The following BSN variants were observed in gnomAD, a reference collection of about 807,000 sequenced individuals.
The protein encoded by BSN is bassoon presynaptic cytomatrix protein.
BSN carries 57 observed loss-of-function variants against 264.8 expected under a neutral mutation model. The observed-to-expected ratio is 0.22, with a 90% CI of 0.17 to 0.27. The LOEUF (loss-of-function observed/expected upper bound fraction) is 0.27. Among genes scored for constraint, BSN ranks in the 10% least tolerant of loss-of-function variants. The probability of loss-of-function intolerance (pLI) is 1.00; values close to 1 mark genes in which losing one functional copy is unlikely to be tolerated. For synonymous variants in BSN, 2,059 were observed against 2,137.3 expected (o/e 0.96, Z 1.01); for missense variants, 4,615 against 5,232.5 (o/e 0.88, Z 3.64).
chr3:49,589,630 C>T (rs1351693201), intron 1 of BSN, among the ~76,000 whole-genome samples: 2 of 150,472 alleles, frequency 1.3e-5, no homozygotes, highest in Non-Finnish European at 3.0e-5. Context: ...CCTCAGCCTC[C>T]CAAGTAGCTG....
intron 1 of BSN, among the ~76,000 whole-genome samples, chr3:49,559,816 G>C (rs1041008669): frequency 6.6e-6 from 1 of 152,176 alleles, no homozygotes; most frequent in African/African-American, 2.4e-5. Flanking sequence ...TGAGAATTCT[G>C]TCTAGAAGCT....
chr3:49,629,591 A>G (rs1396426672), intron 2 of BSN, among the ~76,000 whole-genome samples: 1 of 152,242 alleles, frequency 6.6e-6, no homozygotes, highest in Non-Finnish European at 1.5e-5. Flanking sequence ...TGCAGATGCC[A>G]GTCTGTCCTC....
intron 1 of BSN, among the ~76,000 whole-genome samples, chr3:49,619,257 T>C (rs902295846): frequency 8.5e-5 from 13 of 152,246 alleles, no homozygotes; most frequent in Admixed American, 4.6e-4. Flanking sequence ...TTGTTGTGCA[T>C]GTGCTTACTG....
intron 1 of BSN, among the ~76,000 whole-genome samples, chr3:49,591,994 T>C (rs2051981229): frequency 1.3e-5 from 2 of 152,208 alleles, no homozygotes; most frequent in Non-Finnish European, 2.9e-5. Flanking sequence ...TGATGAAATA[T>C]CAACACATCT....
Position 49,657,407 on chromosome 3 carries a change from A to T in BSN, c.7851A>T (p.Glu2617Asp). The change falls in exon 5 of 12, where the codon GAA becomes GAT. Residue 2617 changes from glutamate to aspartate, a missense_variant. Coordinates refer to ENST00000296452, the MANE Select transcript of BSN (RefSeq NM_003458.4). ...SADCSVQTDD[E>D]DSAEWEQPVR... ...ACTGCAGTGTGCAGACGGACGACGA[A>T]GACAGTGCTGAGTGGGAGCAGCCAG... is the stretch of plus-strand genomic sequence containing the variant. The T allele has an allele frequency of 6.2e-7, 1 of 1,613,212 alleles. No individual in the cohort carries two copies. Among genetic ancestry groups the T allele is most frequent in the Non-Finnish European group, 8.5e-7 (1 of 1,180,018 alleles).
At chr3:49,582,715 T>C (rs2051904063) in intron 1 of BSN, among the ~76,000 whole-genome samples, 1 of 152,148 alleles carries the variant, frequency 6.6e-6, no homozygotes, top group Non-Finnish European at 1.5e-5. Context: ...CACATCGTTG[T>C]CTTGTTTCTG....
intron 1 of BSN, among the ~76,000 whole-genome samples, chr3:49,614,408 G>A (rs557007088): frequency 6.6e-6 from 1 of 152,276 alleles, no homozygotes; most frequent in Admixed American, 6.5e-5. Flanking sequence ...TGACACGTCA[G>A]CTGACTGGTG....
rs529208642 is a variant in BSN, at chr3:49,579,916, T to C, written c.224+25090T>C. Reference sequence around the variant, plus strand: ...ATGCTATATTAATTGATTTTTTAGATGTTAAGCCATAATTGCATGTCTGAG... The same window carrying C: ...ATGCTATATTAATTGATTTTTTAGACGTTAAGCCATAATTGCATGTCTGAG... On this transcript the variant is annotated intron_variant, in intron 1 of 11. Coordinates refer to ENST00000296452, the MANE Select transcript of BSN (RefSeq NM_003458.4). 5.3e-5 allele frequency among the ~76,000 whole-genome samples: 8 copies of C among 152,030 alleles called. No individual in the cohort carries two copies. The South Asian group carries it at 1.7e-3, about 32-fold the overall frequency.
chr3:49,593,958 A>C (rs1040970934), intron 1 of BSN, among the ~76,000 whole-genome samples: 1 of 150,996 alleles, frequency 6.6e-6, no homozygotes, highest in African/African-American at 2.4e-5. Context: ...ACCCGCCACC[A>C]CGCCTTCCTA....
chr3:49,658,235 C>T (rs1288733589), intron 5 of BSN, 39 bp downstream of exon 5: 2 of 1,495,490 alleles, frequency 1.3e-6, no homozygotes, highest in Admixed American at 2.3e-5. Context: ...GGACAGGGGT[C>T]TCTGCCTAGC....
intron 2 of BSN, among the ~76,000 whole-genome samples, chr3:49,639,713 C>T (rs1306624458): frequency 6.6e-6 from 1 of 152,222 alleles, no homozygotes; most frequent in African/African-American, 2.4e-5. Context: ...CCAGGCTGTC[C>T]AGGCTGTGGT....
chr3:49,583,752 C>T (rs560756598), intron 1 of BSN, among the ~76,000 whole-genome samples: 8 of 152,178 alleles, frequency 5.3e-5, no homozygotes, highest in Admixed American at 4.6e-4. Context: ...AGGTCTATTC[C>T]GATTTTTCAT....
At chr3:49,568,037 G>T (rs1163723794) in intron 1 of BSN, among the ~76,000 whole-genome samples, 1 of 152,202 alleles carries the variant, frequency 6.6e-6, no homozygotes, top group African/African-American at 2.4e-5. Flanking sequence ...TGGGAGACAG[G>T]TGGAAGACCG....
At chr3:49,615,149 G>A (rs2052249819) in intron 1 of BSN, among the ~76,000 whole-genome samples, 1 of 152,116 alleles carries the variant, frequency 6.6e-6, no homozygotes, top group South Asian at 2.1e-4. Context: ...TTCTCTTCTG[G>A]CCCAAACAGG....
Position 49,624,990 on chromosome 3 carries a change from G to A in BSN, c.240G>A (p.Leu80=). 6.6e-7 allele frequency: 1 copy of A among 1,525,928 alleles called. No individual in the cohort carries two copies. Among genetic ancestry groups the A allele is most frequent in the Non-Finnish European group, 8.8e-7 (1 of 1,138,036 alleles). The allele number at this position is 1,525,928 out of a possible 1,614,324, so 94.5% of individuals were successfully genotyped here. A position where few individuals can be genotyped will look rare whatever the true frequency, so the allele number is the denominator to read the frequency against. ...GTCATTTCAGCACTTCCCGGAGACT[G>A]GACCCCAAGGAACCCCTGGGTAACC... is the stretch of plus-strand genomic sequence containing the variant. ...GPGPGSTSRR[L]DPKEPLGNQR... is the part of the protein sequence containing the mutation. The change falls in exon 2 of 12, where the codon CTG becomes CTA. Residue 80 remains leucine, a synonymous_variant. Coordinates refer to ENST00000296452, the MANE Select transcript of BSN (RefSeq NM_003458.4).
chr3:49,667,207 C>A (rs897358645), intron 11 of BSN, among the ~76,000 whole-genome samples: 1 of 151,794 alleles, frequency 6.6e-6, no homozygotes, highest in Non-Finnish European at 1.5e-5. Flanking sequence ...GACAGTGCTG[C>A]CGTGAGTATC....
At chr3:49,556,235 C>G (rs1353343712) in intron 1 of BSN, among the ~76,000 whole-genome samples, 4 of 152,162 alleles carry the variant, frequency 2.6e-5, no homozygotes, top group Non-Finnish European at 5.9e-5. Flanking sequence ...ATTGAGAGTT[C>G]CCTGTATGGG....
intron 2 of BSN, among the ~76,000 whole-genome samples, chr3:49,637,319 A>G (rs2052427222): frequency 6.6e-6 from 1 of 152,100 alleles, no homozygotes; most frequent in African/African-American, 2.4e-5. Flanking sequence ...ACAGCCATGG[A>G]GGTGACCGTG....
intron 1 of BSN, among the ~76,000 whole-genome samples, chr3:49,563,038 T>G (rs534003123): frequency 6.6e-6 from 1 of 152,328 alleles, no homozygotes; most frequent in African/African-American, 2.4e-5. Context: ...TGCTTCCCAT[T>G]TTTCTTCAGC....
Sources: gnomAD v4.1 joint callset for allele counts (sites outside exome capture counted in the v4.1 genomes callset) on GRCh38, gnomAD v4.1.1 for gene constraint, MANE v1.5 for transcripts, NCBI Gene and HGNC (gene_info 2026-07-23, HGNC 2026-07-21) for gene names.